The following SOX6 variants were observed in gnomAD, a reference collection of about 807,000 sequenced individuals.
The protein encoded by SOX6 is SRY-box transcription factor 6, also known as transcription factor SOX-6.
SOX6 carries 11 observed loss-of-function variants against 97.8 expected under a neutral mutation model. The ratio of observed to expected loss-of-function variants is 0.11; its 90% CI spans 0.07 to 0.19. The LOEUF (loss-of-function observed/expected upper bound fraction) is 0.19. SOX6 is among the 10% of genes least tolerant of loss of function. The probability of loss-of-function intolerance (pLI) is 1.00; values close to 1 mark genes in which losing one functional copy is unlikely to be tolerated. For synonymous variants in SOX6, 360 were observed against 371.4 expected, an observed-to-expected ratio of 0.97 and a Z score of 0.35; for missense variants, 810 against 1,039.5, an observed-to-expected ratio of 0.78 and a Z score of 3.04.
chr11:15,968,934 T>TGC lies in SOX6; in HGVS notation c.*3873_*3874dup, dbSNP rs1853218172. 1 of 152,194 alleles carries TGC rather than the reference T, an allele frequency of 6.6e-6. No homozygotes were observed. Among genetic ancestry groups the TGC allele is most frequent in the South Asian group, 2.1e-4 (1 of 4,820 alleles). The allele number at this position is 152,194 out of a possible 1,614,324, so 9.4% of individuals were successfully genotyped here. Reference sequence around the variant, plus strand: ...TTCCGTACCTTACTGGAAAAGACACTGCTTCATATCTGCCAATGAAATAGA... The same window carrying TGC: ...TTCCGTACCTTACTGGAAAAGACACTGCGCTTCATATCTGCCAATGAAATAGA... On this transcript the variant is annotated 3_prime_UTR_variant, in exon 16 of 16. Coordinates refer to ENST00000683767, the MANE Select transcript of SOX6 (RefSeq NM_001367873.1).
At chr11:16,728,399 G>C (rs1848323669) in intron 2 of SOX6, among the ~76,000 whole-genome samples, 1 of 152,210 alleles carries the variant, frequency 6.6e-6, no homozygotes, top group South Asian at 2.1e-4. Flanking sequence ...AAAAGTCTTT[G>C]CTGTTCTGCA....
Position 16,413,512 on chromosome 11 carries a change from C to CTT in SOX6, c.-5+62801_-5+62802dup, listed in dbSNP as rs752774148. 3.6e-3 allele frequency among the ~76,000 whole-genome samples: 271 copies of CTT among 76,232 alleles called. 19 individuals carry two copies. The highest frequency in any genetic ancestry group is 0.011 in the Middle Eastern group (1 of 88). 50.0% of individuals were successfully genotyped at this position (76,232 alleles called of 152,430 possible). ...TAATTTGTATCTGAAAAGACTTCTA[C>CTT]TTTTTTTTTTTTTTTTTTTTTTTTT... On this transcript the variant is annotated intron_variant, in intron 1 of 15. Coordinates refer to the SOX6 transcript ENST00000396356.
At chr11:16,071,667 A>G (rs1848227841) in intron 9 of SOX6, among the ~76,000 whole-genome samples, 1 of 152,162 alleles carries the variant, frequency 6.6e-6, no homozygotes, top group Non-Finnish European at 1.5e-5. Context: ...GGAAGGTACA[A>G]CCCAGTCTTT....
At chr11:16,052,945 TC>T (rs1190075743) in intron 10 of SOX6, among the ~76,000 whole-genome samples, 1 of 152,176 alleles carries the variant, frequency 6.6e-6, no homozygotes, top group Non-Finnish European at 1.5e-5. Flanking sequence ...TTCTGGTGTT[TC>T]CCCTTACCTC....
At chr11:16,037,221 C>T (rs1855542167) in intron 12 of SOX6, among the ~76,000 whole-genome samples, 1 of 152,104 alleles carries the variant, frequency 6.6e-6, no homozygotes, top group African/African-American at 2.4e-5. Flanking sequence ...ATGTTTAGTA[C>T]AACAAGTGGA....
chr11:16,238,197 A>C (rs1853081654), intron 3 of SOX6, among the ~76,000 whole-genome samples: 1 of 152,038 alleles, frequency 6.6e-6, no homozygotes, highest in Non-Finnish European at 1.5e-5. Context: ...CTCACCTATA[A>C]TTTAAGCAAG....
Position 16,490,027 on chromosome 11 carries a change from T to C in SOX6, n.610-13639A>G, listed in dbSNP as rs1169156977. On this transcript the variant is annotated intron_variant and non_coding_transcript_variant, in intron 4 of 5. Coordinates refer to the SOX6 transcript ENST00000524520. ...AAAATGAGATTATCTACATAAAATA[T>C]CTAGCAACATATTGAGCCCACAAAG... Among the ~76,000 whole-genome samples, 4 of 152,192 alleles carry C rather than the reference T, an allele frequency of 2.6e-5. No individual in the cohort carries two copies. The South Asian group carries it at 8.3e-4, about 32-fold the overall frequency.
intron 4 of SOX6, among the ~76,000 whole-genome samples, chr11:16,598,071 T>C (rs765326017): frequency 2.0e-5 from 3 of 152,092 alleles, no homozygotes; most frequent in Admixed American, 1.3e-4. Flanking sequence ...ACTGTAAGTA[T>C]AGAACCACTT....
intron 7 of SOX6, among the ~76,000 whole-genome samples, chr11:16,107,456 A>G (rs921721299): frequency 6.8e-6 from 1 of 146,670 alleles, no homozygotes; most frequent in African/African-American, 2.6e-5. Context: ...AATATTATTC[A>G]GCAATAAAAT....
chr11:16,028,035 C>G (rs1273278396), intron 12 of SOX6, among the ~76,000 whole-genome samples: 1 of 152,176 alleles, frequency 6.6e-6, no homozygotes, highest in South Asian at 2.1e-4. Flanking sequence ...CAGGACTGAA[C>G]TCTTGATAAA....
intron 3 of SOX6, among the ~76,000 whole-genome samples, chr11:16,301,214 T>C (rs1855247613): frequency 3.3e-5 from 5 of 152,210 alleles, no homozygotes; most frequent in African/African-American, 1.2e-4. Flanking sequence ...CCTTGACATA[T>C]ACAGCCTGTA....
chr11:16,149,161 A>G (rs948123237), intron 6 of SOX6, among the ~76,000 whole-genome samples: 1 of 152,160 alleles, frequency 6.6e-6, no homozygotes, highest in African/African-American at 2.4e-5. Context: ...ATTTCAGCCC[A>G]AACACATTTT....
chr11:16,094,070 T>C lies in SOX6; in HGVS notation c.1101+1926A>G, dbSNP rs563905421. On this transcript the variant is annotated intron_variant, in intron 9 of 15. Transcript: ENST00000683767. The stretch of plus-strand genomic sequence containing the variant: ...GGTAATAGAACAGAGCAAGAGTAAA[T>C]AAAAACTGAGGAAACTATCAAAGCA... Among the ~76,000 whole-genome samples, 210 of 151,840 alleles carry C rather than the reference T, an allele frequency of 1.4e-3. 1 individual carries two copies. The highest frequency in any genetic ancestry group is 4.8e-3 in the African/African-American group (197 of 41,436).
At chr11:16,400,110 G>C (rs768335232) in intron 1 of SOX6, among the ~76,000 whole-genome samples, 1 of 151,464 alleles carries the variant, frequency 6.6e-6, no homozygotes, top group Non-Finnish European at 1.5e-5. Flanking sequence ...TCTAGGCATT[G>C]TTCAAGACAC....
chr11:16,229,833 T>C (rs1852795760), intron 4 of SOX6, among the ~76,000 whole-genome samples: 1 of 151,906 alleles, frequency 6.6e-6, no homozygotes, highest in Non-Finnish European at 1.5e-5. Flanking sequence ...AAGGAATAAG[T>C]AGTTCATGTT....
chr11:16,625,073 C>A (rs973532651), intron 3 of SOX6, among the ~76,000 whole-genome samples: 1 of 152,078 alleles, frequency 6.6e-6, no homozygotes, highest in Non-Finnish European at 1.5e-5. Context: ...GGCTGTGACT[C>A]CTCTATTCAT....
In SOX6 at chr11:16,503,809, C is replaced by T. The variant is rs915840981; in HGVS notation, n.610-27421G>A. Reference sequence around the variant, plus strand: ...CCTGTAATCCCAGCACTTTGGGAGGCCAAGGTGGGCAGATCACGAGGTCAG... The same window carrying T: ...CCTGTAATCCCAGCACTTTGGGAGGTCAAGGTGGGCAGATCACGAGGTCAG... On this transcript the variant is annotated intron_variant and non_coding_transcript_variant, in intron 4 of 5. Coordinates refer to the SOX6 transcript ENST00000524520. 9.9e-5 allele frequency among the ~76,000 whole-genome samples: 15 copies of T among 152,158 alleles called. No homozygotes were observed. In the East Asian group the frequency reaches 1.9e-3, roughly 20 times the overall value.
intron 4 of SOX6, among the ~76,000 whole-genome samples, chr11:16,521,368 C>T (rs1218175247): frequency 6.6e-6 from 1 of 152,174 alleles, no homozygotes; most frequent in African/African-American, 2.4e-5. Context: ...CCCAGGCAAA[C>T]AGGGTCAGGA....
intron 12 of SOX6, among the ~76,000 whole-genome samples, chr11:16,023,957 A>G (rs1438775207): frequency 6.6e-6 from 1 of 152,158 alleles, no homozygotes; most frequent in Non-Finnish European, 1.5e-5. Flanking sequence ...TATGGGCTGA[A>G]TTGTGTTTCC....
Sources: gnomAD v4.1 joint callset for allele counts (sites outside exome capture counted in the v4.1 genomes callset) on GRCh38, gnomAD v4.1.1 for gene constraint, MANE v1.5 for transcripts, NCBI Gene and HGNC (gene_info 2026-07-23, HGNC 2026-07-21) for gene names.